KMT2C: variants seen among roughly 807,000 people sequenced by gnomAD.
KMT2C encodes the protein histone-lysine N-methyltransferase 2C.
KMT2C carries 88 observed loss-of-function variants against 507.9 expected under a neutral mutation model. The observed-to-expected ratio is 0.17, with a 90% CI of 0.15 to 0.21. KMT2C has a LOEUF of 0.21. KMT2C is among the 10% of genes least tolerant of loss of function. KMT2C has a pLI of 1.00. For missense variants in KMT2C, 4,954 were observed against 5,957.8 expected (o/e 0.83, Z 5.55); for synonymous variants, 2,049 against 2,080.8 (o/e 0.98, Z 0.42).
chr7:152,277,062 C>G (rs2096094809), intron 6 of KMT2C, among the ~76,000 whole-genome samples: 1 of 151,858 alleles, frequency 6.6e-6, no homozygotes, highest in African/African-American at 2.4e-5. Context: ...ATCCATAAAA[C>G]AAAACAGAAT....
At chr7:152,263,966 G>A (rs747849478) in intron 8 of KMT2C, among the ~76,000 whole-genome samples, 8 of 152,148 alleles carry the variant, frequency 5.3e-5, no homozygotes, top group Admixed American at 5.2e-4. Context: ...ATAAATAGAT[G>A]TCAACAGGAA....
At chr7:152,346,884 T>C (rs1017657421) in intron 2 of KMT2C, among the ~76,000 whole-genome samples, 11 of 152,298 alleles carry the variant, frequency 7.2e-5, no homozygotes, top group African/African-American at 2.6e-4. Context: ...CCCAGCACTC[T>C]GGGAGGCCGA....
chr7:152,164,835 A>G (rs569457921), intron 42 of KMT2C, among the ~76,000 whole-genome samples: 3 of 152,330 alleles, frequency 2.0e-5, no homozygotes, highest in East Asian at 3.9e-4. Flanking sequence ...TCAATACTAC[A>G]GGCCAGATAT....
At chr7:152,369,049 G>A (rs554934296) in intron 1 of KMT2C, among the ~76,000 whole-genome samples, 2 of 152,062 alleles carry the variant, frequency 1.3e-5, no homozygotes, top group African/African-American at 4.8e-5. Flanking sequence ...AGGGCCAGGA[G>A]CAGTGGCTCA....
chr7:152,349,019 G>A (rs2097088021), intron 2 of KMT2C, among the ~76,000 whole-genome samples: 1 of 152,168 alleles, frequency 6.6e-6, no homozygotes, highest in Non-Finnish European at 1.5e-5. Context: ...GATGTTGACA[G>A]AAGCTTTCTT....
At chr7:152,226,812 T>C (rs905950912) in intron 18 of KMT2C, among the ~76,000 whole-genome samples, 4 of 152,092 alleles carry the variant, frequency 2.6e-5, no homozygotes, top group Admixed American at 2.0e-4. Flanking sequence ...GCTACAAATA[T>C]ATGTAAACAA....
At chr7:152,362,026 AAAT>A (rs1364687230) in intron 1 of KMT2C, among the ~76,000 whole-genome samples, 1 of 152,208 alleles carries the variant, frequency 6.6e-6, no homozygotes, top group Non-Finnish European at 1.5e-5. Flanking sequence ...ATACAGAAAT[AAAT>A]AAAACAAAAT....
chr7:152,140,033 G>A (rs1168372056), intron 55 of KMT2C, among the ~76,000 whole-genome samples: 2 of 152,146 alleles, frequency 1.3e-5, no homozygotes, highest in Non-Finnish European at 2.9e-5. Context: ...TAGAGTCTAT[G>A]TATAAAGTAG....
intron 1 of KMT2C, among the ~76,000 whole-genome samples, chr7:152,419,772 A>G (rs1355081221): frequency 2.0e-5 from 3 of 152,244 alleles, no homozygotes; most frequent in Non-Finnish European, 4.4e-5. Context: ...AAGCTATATA[A>G]AAATTCATCT....
At chr7:152,327,962 A>C in intron 3 of KMT2C, among the ~76,000 whole-genome samples, 1 of 150,392 alleles carries the variant, frequency 6.6e-6, no homozygotes, top group African/African-American at 2.4e-5. Flanking sequence ...CGCCTCAAAA[A>C]AAAAAAAAAA....
intron 1 of KMT2C, among the ~76,000 whole-genome samples, chr7:152,372,093 C>A (rs2097297441): frequency 1.3e-5 from 2 of 152,126 alleles, no homozygotes; most frequent in South Asian, 4.1e-4. Context: ...AGTAGTAACT[C>A]CTTACCTATC....
chr7:152,148,882 T>C lies in KMT2C; in HGVS notation c.13045A>G (p.Asn4349Asp), dbSNP rs2091377026. ...HGGFEDCRPL[N>D]KKWRGMKWKK... ...CATTTCATTCCTCTCCATTTTTTAT[T>C]GAGCGGCCTGCAATCTTCAAACCCA... is the stretch of plus-strand genomic sequence containing the variant. The change falls in exon 52 of 59, where the codon AAT (asparagine) becomes GAT (aspartate). Residue 4349 changes from asparagine (N) to aspartate (D), a missense_variant. By Grantham distance (23) the Asn-to-Asp change is conservative. Around this residue, in one of 29 missense-constraint regions of KMT2C, gnomAD observed 417 missense variants for 461.1 expected, o/e 0.90. Transcript: ENST00000262189. The surrounding 1 kb of genome is among the most constrained non-coding windows in gnomAD (Gnocchi z 7.1). 3 of 1,614,212 alleles carry C rather than the reference T, an allele frequency of 1.9e-6. No homozygotes were observed. Among genetic ancestry groups the C allele is most frequent in the Non-Finnish European group, 1.7e-6 (2 of 1,180,042 alleles).
intron 1 of KMT2C, among the ~76,000 whole-genome samples, chr7:152,392,864 TATA>T (rs200518213): frequency 0.012 from 1,837 of 152,288 alleles, 41 homozygotes; most frequent in African/African-American, 0.043. Flanking sequence ...TTCCTTGTTA[TATA>T]ATAAGCCAGT....
At chr7:152,360,991 T>A (rs2097192598) in intron 1 of KMT2C, among the ~76,000 whole-genome samples, 1 of 151,940 alleles carries the variant, frequency 6.6e-6, no homozygotes, top group Non-Finnish European at 1.5e-5. Context: ...TGTCAAAAAC[T>A]ATGAATGAAA....
chr7:152,238,965 A>G, intron 14 of KMT2C, 139 bp from the exon 15 acceptor site: 1 of 694,302 alleles, frequency 1.4e-6, no homozygotes, highest in South Asian at 1.9e-5. Flanking sequence ...CAAGGAAGGC[A>G]AAATAAGTTA....
intron 1 of KMT2C, among the ~76,000 whole-genome samples, chr7:152,393,574 A>T (rs1422986695): frequency 6.6e-6 from 1 of 152,186 alleles, no homozygotes; most frequent in Non-Finnish European, 1.5e-5. Context: ...CCTCACTTGT[A>T]TCTAGGACAT....
At position 152,177,081 on chromosome 7, in the gene KMT2C, G is replaced by A. The variant is rs886670771; in HGVS notation, c.8372C>T (p.Ser2791Phe). 6 of 1,612,834 alleles carry A rather than the reference G, an allele frequency of 3.7e-6. No individual in the cohort carries two copies. The Admixed American group carries it at 8.3e-5, about 22-fold the overall frequency. Reference sequence around the variant, plus strand: ...TTGTTCCTTTTTTTTTGGTTCAACAGATACACACTGATTATCTAACTTATC... The same window carrying A: ...TTGTTCCTTTTTTTTTGGTTCAACAAATACACACTGATTATCTAACTTATC... ...IDDKLDNQCV[S>F]VEPKKKEQEN... Residue 2791 changes from serine (S) to phenylalanine (F), a missense_variant, in exon 38 of 59, where the codon TCT becomes TTT. By Grantham distance (155) the Ser-to-Phe change is radical (BLOSUM62 -2). Coordinates refer to ENST00000262189, the MANE Select transcript of KMT2C (RefSeq NM_170606.3).
At chr7:152,167,101 C>T (rs2092764897) in intron 42 of KMT2C, 45 bp downstream of exon 42, 4 of 1,434,542 alleles carry the variant, frequency 2.8e-6, no homozygotes, top group Non-Finnish European at 3.9e-6. Context: ...AAACATTCTA[C>T]TCATTAATTG....
chr7:152,205,290 G>A (rs1279397007), intron 24 of KMT2C, 65 bp from the exon 25 acceptor site: 1 of 1,281,338 alleles, frequency 7.8e-7, no homozygotes, highest in African/African-American at 1.5e-5. Flanking sequence ...CAGTACACAG[G>A]ATAAAACTGC....
Sources: gnomAD v4.1 joint callset for allele counts (sites outside exome capture counted in the v4.1 genomes callset) on GRCh38, gnomAD v4.1.1 for gene constraint, gnomAD v4.1.1 regional missense constraint, Gnocchi (gnomAD v3.1) non-coding constraint, MANE v1.5 for transcripts, NCBI Gene and HGNC (gene_info 2026-07-23, HGNC 2026-07-21) for gene names.